The following FAM111B variants were observed in gnomAD, a reference collection of about 807,000 sequenced individuals.
FAM111B encodes the protein FAM111 trypsin like peptidase B, also known as serine protease FAM111B.
Under a neutral mutation model 2.8 loss-of-function variants are expected in FAM111B, and 1 was observed. The ratio of observed to expected loss-of-function variants is 0.36; its 90% confidence interval spans 0.13 to 1.70. FAM111B has a LOEUF of 1.70. Among genes scored for constraint, FAM111B ranks in the 40% most tolerant of loss-of-function variants. FAM111B has a pLI of 0.35. For synonymous variants in FAM111B, 297 were observed against 295.6 expected, an observed-to-expected ratio of 1.00 and a Z score of -0.05; for missense variants, 882 against 878.9, an observed-to-expected ratio of 1.00 and a Z score of -0.04.
intron 3 of FAM111B, among the ~76,000 whole-genome samples, chr11:59,115,095 T>C (rs913499835): frequency 1.3e-5 from 2 of 152,188 alleles, no homozygotes; most frequent in Non-Finnish European, 1.5e-5. Context: ...TCCCTTCCAT[T>C]AGACTTGGAA....
intron 3 of FAM111B, among the ~76,000 whole-genome samples, chr11:59,115,586 C>T (rs1042189743): frequency 6.6e-6 from 1 of 152,166 alleles, no homozygotes; most frequent in Non-Finnish European, 1.5e-5. Context: ...AGATGGCTCC[C>T]CAAGGAGAGG....
At chr11:59,122,374 G>C (rs1859936830) in intron 3 of FAM111B, among the ~76,000 whole-genome samples, 1 of 152,142 alleles carries the variant, frequency 6.6e-6, no homozygotes, top group Non-Finnish European at 1.5e-5. Context: ...AGATGAAGGA[G>C]GGACACACTG....
Position 59,109,573 on chromosome 11 carries a change from T to A in FAM111B, c.-53T>A, listed in dbSNP as rs748973173. On this transcript the variant is annotated 5_prime_UTR_variant, in exon 3 of 4. Coordinates refer to ENST00000343597, the MANE Select transcript of FAM111B (RefSeq NM_198947.4). ...GGTGGCAGAATAAATTCAATCCTTGTTTCTCCATCTTATCGAGTAGTAGAA... is the reference window on the plus strand; with the variant it reads ...GGTGGCAGAATAAATTCAATCCTTGATTCTCCATCTTATCGAGTAGTAGAA... 14 of 1,253,884 alleles carry A rather than the reference T, an allele frequency of 1.1e-5. No homozygotes were observed. The highest frequency in any genetic ancestry group is 1.6e-5 in the Non-Finnish European group (14 of 896,028). The allele number at this position is 1,253,884 out of a possible 1,614,324, so 77.7% of individuals were successfully genotyped here.
intron 3 of FAM111B, among the ~76,000 whole-genome samples, chr11:59,117,100 G>A (rs1859850669): frequency 6.6e-6 from 1 of 152,174 alleles, no homozygotes; most frequent in Non-Finnish European, 1.5e-5. Flanking sequence ...ATGTCTTTGG[G>A]TAAAGTCACA....
At chr11:59,119,028 A>G (rs1332249610) in intron 3 of FAM111B, among the ~76,000 whole-genome samples, 1 of 152,226 alleles carries the variant, frequency 6.6e-6, no homozygotes, top group African/African-American at 2.4e-5. Context: ...ATTGTACTCA[A>G]TGCCTCACGA....
At position 59,125,048 on chromosome 11, in the gene FAM111B, A is replaced by G. The variant is rs531240702; in HGVS notation, c.951A>G (p.Val317=). Residue 317 remains valine, a synonymous_variant, in exon 4 of 4, where the codon GTA becomes GTG. Transcript: ENST00000343597. ...AGAAAGATGGAGAGACCAAAGATGTAGAACACAGCAGAGAGCAAATTCTCC... is the reference window on the plus strand; with the variant it reads ...AGAAAGATGGAGAGACCAAAGATGTGGAACACAGCAGAGAGCAAATTCTCC... ...KPKKDGETKD[V]EHSREQILPP... 5.0e-6 allele frequency: 8 copies of G among 1,613,150 alleles called. No individual in the cohort carries two copies. Among genetic ancestry groups the G allele is most frequent in the East Asian group, 4.5e-5 (2 of 44,870 alleles).
At position 59,124,492 on chromosome 11, in the gene FAM111B, A is replaced by T. The variant is rs1859977502; in HGVS notation, c.395A>T (p.Tyr132Phe). The change falls in exon 4 of 4, where the codon TAT becomes TTT. Residue 132 changes from tyrosine (Y) to phenylalanine (F), a missense_variant. Physicochemically the swap from Tyr to Phe is conservative, Grantham distance 22 (BLOSUM62 3). Coordinates refer to ENST00000343597, the MANE Select transcript of FAM111B (RefSeq NM_198947.4). The part of the protein sequence containing the change: ...KNQFNKNIIV[Y>F]EEKTIDGHIN... ...CAGTTTAATAAGAACATTATTGTTT[A>T]TGAAGAAAAGACAATAGATGGACAT... The T allele has an allele frequency of 6.2e-7, 1 of 1,613,096 alleles. No individual in the cohort carries two copies. Among genetic ancestry groups the T allele is most frequent in the African/African-American group, 1.3e-5 (1 of 75,062 alleles).
At chr11:59,109,490 A>G (rs1471355291) in intron 2 of FAM111B, 50 bp from the exon 3 acceptor site, 2 of 558,050 alleles carry the variant, frequency 3.6e-6, no homozygotes, top group Non-Finnish European at 6.3e-6. Flanking sequence ...CCTGATCTCC[A>G]GTGTTTGAAA....
Position 59,125,000 on chromosome 11 carries a change from T to C in FAM111B, c.903T>C (p.Ser301=), listed in dbSNP as rs1859995098. Residue 301 remains serine (S), a synonymous_variant, in exon 4 of 4, where the codon TCT becomes TCC. Coordinates refer to ENST00000343597, the MANE Select transcript of FAM111B (RefSeq NM_198947.4). ...DEINHQSLIQ[S]KKKVHKPKKD... is the part of the protein sequence containing the mutation. ...TTAATCACCAGAGTCTGATACAGTC[T>C]AAGAAAAAAGTCCACAAACCAAAGA... The C allele has an allele frequency of 1.9e-6, 3 of 1,612,164 alleles. No individual in the cohort carries two copies. Among genetic ancestry groups the C allele is most frequent in the Non-Finnish European group, 2.5e-6 (3 of 1,179,580 alleles).
rs143982948 is a variant in FAM111B at position 59,125,419 on chromosome 11, T to C, written c.1322T>C (p.Met441Thr). 6.2e-7 allele frequency: 1 copy of C among 1,613,872 alleles called. No homozygotes were observed. Among genetic ancestry groups the C allele is most frequent in the East Asian group, 2.2e-5 (1 of 44,892 alleles). ...ATATATAAAAAGGACTTCGGAAAAA[T>C]GACTGCAAATTCTGTTTCAGTTGCA... ...FNIYKKDFGK[M>T]TANSVSVATC... Residue 441 changes from methionine (M) to threonine (T), a missense_variant, in exon 4 of 4, where the codon ATG (methionine) becomes ACG (threonine). Coordinates refer to ENST00000343597, the MANE Select transcript of FAM111B (RefSeq NM_198947.4).
intron 3 of FAM111B, among the ~76,000 whole-genome samples, chr11:59,118,671 GTA>G (rs1859875749): frequency 6.6e-6 from 1 of 152,152 alleles, no homozygotes; most frequent in Non-Finnish European, 1.5e-5. Context: ...ACACGATTAA[GTA>G]TGATGTTACC....
chr11:59,127,203 A>G lies in FAM111B; in HGVS notation c.*901A>G, dbSNP rs1282061325. 6.6e-6 allele frequency: 1 copy of G among 152,106 alleles called. No individual in the cohort carries two copies. Among genetic ancestry groups the G allele is most frequent in the African/African-American group, 2.4e-5 (1 of 41,430 alleles). 9.4% of individuals were successfully genotyped at this position (152,106 alleles called of 1,614,324 possible). A position where few individuals can be genotyped will look rare whatever the true frequency, so the allele number is the denominator to read the frequency against. On this transcript the variant is annotated 3_prime_UTR_variant, in exon 4 of 4. Coordinates refer to ENST00000343597, the MANE Select transcript of FAM111B (RefSeq NM_198947.4). ...AAATATTGAGTACACATGGACACAA[A>G]GAAGAAAACAACAGATATGGGGCCT... is the stretch of plus-strand genomic sequence containing the variant.
chr11:59,108,103 C>T (rs1859694288), intron 1 of FAM111B, among the ~76,000 whole-genome samples: 2 of 152,096 alleles, frequency 1.3e-5, no homozygotes, highest in African/African-American at 2.4e-5. Flanking sequence ...ATAGCCACAC[C>T]CCGACATACT....
intron 3 of FAM111B, among the ~76,000 whole-genome samples, chr11:59,123,976 C>G (rs555039161): frequency 1.8e-3 from 277 of 151,598 alleles, no homozygotes; most frequent in African/African-American, 6.4e-3. Context: ...TCAAAGTATA[C>G]AGAGAAAAAA....
Position 59,126,457 on chromosome 11 carries a change from A to T in FAM111B, c.*155A>T, listed in dbSNP as rs1460009754. On this transcript the variant is annotated 3_prime_UTR_variant, in exon 4 of 4. Transcript: ENST00000343597. The stretch of plus-strand genomic sequence containing the variant: ...AAAAGAAACTATCAACAGGGTAAAC[A>T]CACAACCTACGGAATGGGAGAAAAT... The T allele has an allele frequency of 1.8e-6, 1 of 551,724 alleles. No individual in the cohort carries two copies. 34.2% of individuals were successfully genotyped at this position (551,724 alleles called of 1,614,324 possible).
Position 59,124,914 on chromosome 11 carries a change from G to T in FAM111B, c.817G>T (p.Ala273Ser), listed in dbSNP as rs1289591189. 3.8e-6 allele frequency: 6 copies of T among 1,594,656 alleles called. No individual in the cohort carries two copies. Among genetic ancestry groups the T allele is most frequent in the Non-Finnish European group, 5.1e-6 (6 of 1,173,940 alleles). Reference protein sequence around the residue: ...VLEMDISKKKALQQKDIHKKI... With the variant: ...VLEMDISKKKSLQQKDIHKKI... ...AGAAATGGACATTTCAAAAAAAAAA[G>T]CATTACAACAGAAAGATATCCATAA... is the stretch of plus-strand genomic sequence containing the variant. Residue 273 changes from alanine to serine, a missense_variant, in exon 4 of 4, where the codon GCA becomes TCA. Transcript: ENST00000343597.
chr11:59,117,345 T>C lies in FAM111B; in HGVS notation c.82-6834T>C, dbSNP rs1230473750. 2.6e-5 allele frequency among the ~76,000 whole-genome samples: 4 copies of C among 152,186 alleles called. No homozygotes were observed. In the East Asian group the frequency reaches 7.7e-4, roughly 29 times the overall value. ...TGCCTCCTTAGGAACTCAGGTCCCA[T>C]CAAAATGTGGAAAGAACAATTACAT... On this transcript the variant is annotated intron_variant, in intron 3 of 3. Transcript: ENST00000343597.
At chr11:59,120,454 G>A (rs1385716159) in intron 3 of FAM111B, among the ~76,000 whole-genome samples, 1 of 152,170 alleles carries the variant, frequency 6.6e-6, no homozygotes, top group Admixed American at 6.5e-5. Context: ...TATTTTCTTA[G>A]AAAAGTCCAG....
At chr11:59,121,230 T>C (rs943086689) in intron 3 of FAM111B, among the ~76,000 whole-genome samples, 2 of 152,094 alleles carry the variant, frequency 1.3e-5, no homozygotes, top group Non-Finnish European at 2.9e-5. Flanking sequence ...GAATAAACAA[T>C]TTGTGTCTAC....
Sources: allele counts gnomAD v4.1 joint callset (sites outside exome capture counted in the v4.1 genomes callset), GRCh38; gene constraint gnomAD v4.1.1; transcripts MANE v1.5; gene names NCBI Gene and HGNC (gene_info 2026-07-23, HGNC 2026-07-21).